Variants in FGF7 observed in about 807,000 individuals in gnomAD.
FGF7 encodes the protein fibroblast growth factor 7.
Under a neutral mutation model 20.5 loss-of-function variants are expected in FGF7, and 6 were observed. The observed-to-expected ratio is 0.29, with a 90% CI of 0.16 to 0.58. FGF7 has a LOEUF of 0.58. Ranked by LOEUF, FGF7 falls within the 20% of genes least tolerant of loss-of-function variation. FGF7 has a pLI of 0.90. For missense variants in FGF7, 144 were observed against 228.8 expected, an observed-to-expected ratio of 0.63 and a Z score of 2.39; for synonymous variants, 64 against 74.7, an observed-to-expected ratio of 0.86 and a Z score of 0.74.
At chr15:49,448,658 A>G (rs1221664286) in intron 2 of FGF7, among the ~76,000 whole-genome samples, 2 of 151,290 alleles carry the variant, frequency 1.3e-5, no homozygotes, top group African/African-American at 2.4e-5. Context: ...TTTTTTGATG[A>G]ACATCCACAT....
chr15:49,433,214 G>A (rs1343991429), intron 2 of FGF7, among the ~76,000 whole-genome samples: 1 of 151,504 alleles, frequency 6.6e-6, no homozygotes, highest in Non-Finnish European at 1.5e-5. Flanking sequence ...CTCTTTCTGT[G>A]CCCCAATTGC....
chr15:49,454,376 A>C (rs1597303070), intron 2 of FGF7, among the ~76,000 whole-genome samples: 2 of 152,150 alleles, frequency 1.3e-5, no homozygotes, highest in African/African-American at 4.8e-5. Flanking sequence ...AAAAACACTA[A>C]TATCATCCTA....
chr15:49,484,146 T>A (rs931417483), intron 3 of FGF7, among the ~76,000 whole-genome samples, 164 bp from the exon 4 acceptor site: 2 of 152,080 alleles, frequency 1.3e-5, no homozygotes, highest in African/African-American at 4.8e-5. Context: ...GCAAATATAC[T>A]ACATAAGTAT....
chr15:49,462,049 G>A (rs139936899), intron 2 of FGF7, among the ~76,000 whole-genome samples: 74 of 152,104 alleles, frequency 4.9e-4, no homozygotes, highest in African/African-American at 1.5e-3. Context: ...AACCTGGCAG[G>A]TGGCGGTTGC....
At chr15:49,469,843 C>T (rs898352350) in intron 2 of FGF7, among the ~76,000 whole-genome samples, 7 of 152,074 alleles carry the variant, frequency 4.6e-5, no homozygotes, top group Admixed American at 1.3e-4. Flanking sequence ...CAATTTTTTA[C>T]GACTCTAAGA....
At chr15:49,478,823 A>G (rs1319155840) in intron 2 of FGF7, among the ~76,000 whole-genome samples, 3 of 152,208 alleles carry the variant, frequency 2.0e-5, no homozygotes, top group African/African-American at 7.2e-5. Context: ...GTGAGACACT[A>G]AAAAGTAATT....
chr15:49,425,583 A>T (rs1164833681), intron 2 of FGF7: 1 of 151,928 alleles, frequency 6.6e-6, no homozygotes, highest in Non-Finnish European at 1.5e-5. Flanking sequence ...GCATGGGGAG[A>T]CTGGTGTAAA....
chr15:49,429,029 A>G (rs1037396218), intron 2 of FGF7, among the ~76,000 whole-genome samples: 9 of 152,062 alleles, frequency 5.9e-5, no homozygotes, highest in African/African-American at 2.2e-4. Flanking sequence ...GTTAGAAGCT[A>G]GCAAATACAC....
intron 2 of FGF7, chr15:49,425,283 A>C (rs2050024297): frequency 6.6e-6 from 1 of 152,030 alleles, no homozygotes; most frequent in East Asian, 1.9e-4. Context: ...GTGGGCTGGA[A>C]GAGATGGTAA....
At chr15:49,431,622 T>C (rs547985999) in intron 2 of FGF7, among the ~76,000 whole-genome samples, 31 of 151,736 alleles carry the variant, frequency 2.0e-4, no homozygotes, top group Non-Finnish European at 4.0e-4. Context: ...TCTCTTCTAC[T>C]GGAGTGGTCA....
At chr15:49,426,932 G>A (rs1042084558) in intron 2 of FGF7, among the ~76,000 whole-genome samples, 64 of 151,876 alleles carry the variant, frequency 4.2e-4, no homozygotes, top group African/African-American at 1.4e-3. Context: ...TAAAACTGTC[G>A]TAAGGTTATG....
intron 2 of FGF7, among the ~76,000 whole-genome samples, chr15:49,428,591 G>A (rs948071174): frequency 1.3e-5 from 2 of 151,928 alleles, no homozygotes; most frequent in Non-Finnish European, 2.9e-5. Context: ...GTATTGAGGT[G>A]CCGAGTGAGA....
intron 2 of FGF7, among the ~76,000 whole-genome samples, chr15:49,454,828 C>G (rs2151901651): frequency 6.6e-6 from 1 of 152,220 alleles, no homozygotes. Flanking sequence ...CCAGGATGGT[C>G]TCGATCTCCT....
chr15:49,463,391 T>C (rs1441850963), intron 2 of FGF7, among the ~76,000 whole-genome samples: 1 of 151,792 alleles, frequency 6.6e-6, no homozygotes, highest in Non-Finnish European at 1.5e-5. Flanking sequence ...CCACTTCTAC[T>C]AAAAATACAA....
intron 2 of FGF7, among the ~76,000 whole-genome samples, chr15:49,439,843 CA>C (rs2051468350): frequency 6.6e-6 from 1 of 151,684 alleles, no homozygotes; most frequent in Non-Finnish European, 1.5e-5. Context: ...GAAACAAAGA[CA>C]ACTCCACTCT....
intron 2 of FGF7, among the ~76,000 whole-genome samples, chr15:49,464,580 T>G (rs2054097124): frequency 6.6e-6 from 1 of 152,222 alleles, no homozygotes; most frequent in African/African-American, 2.4e-5. Flanking sequence ...TATTGAATTT[T>G]GTAATAAAAT....
rs1047097041 is a variant in FGF7 at position 49,488,048 on chromosome 15, A to G, written c.*3544A>G. 1 of 152,004 alleles carries G rather than the reference A, an allele frequency of 6.6e-6. No individual in the cohort carries two copies. Among genetic ancestry groups the G allele is most frequent in the African/African-American group, 2.4e-5 (1 of 41,432 alleles). 9.4% of individuals were successfully genotyped at this position (152,004 alleles called of 1,614,324 possible). On this transcript the variant is annotated 3_prime_UTR_variant, in exon 4 of 4. Transcript: ENST00000267843. ...AGGAGTGATAACAAAAATATTTAAC[A>G]GTCAGTATGGGTGATTACTGGCCAA...
intron 2 of FGF7, among the ~76,000 whole-genome samples, chr15:49,426,301 T>C (rs966073956): frequency 7.9e-5 from 12 of 151,872 alleles, no homozygotes; most frequent in African/African-American, 2.9e-4. Flanking sequence ...TAAATACCCA[T>C]TGTATAATTA....
chr15:49,434,078 ACT>A (rs1357103049), intron 2 of FGF7, among the ~76,000 whole-genome samples: 1 of 151,066 alleles, frequency 6.6e-6, no homozygotes, highest in Non-Finnish European at 1.5e-5. Context: ...TGGTGAATCC[ACT>A]CTCAATTCGT....
Sources: allele counts gnomAD v4.1 joint callset (sites outside exome capture counted in the v4.1 genomes callset), GRCh38; gene constraint gnomAD v4.1.1; transcripts MANE v1.5; gene names NCBI Gene and HGNC (gene_info 2026-07-23, HGNC 2026-07-21).